CELF4: variants seen among roughly 807,000 people sequenced by gnomAD.
The protein encoded by CELF4 is CUGBP Elav-like family member 4, also known as CUG-BP- and ETR-3-like factor 4.
CELF4 carries 18 observed loss-of-function variants against 59.9 expected under a neutral mutation model. The observed-to-expected ratio is 0.30, with a 90% CI of 0.21 to 0.45. CELF4 has a LOEUF of 0.45. Ranked by LOEUF, CELF4 falls within the 20% of genes least tolerant of loss-of-function variation. The probability of loss-of-function intolerance (pLI) is 1.00; values close to 1 mark genes in which losing one functional copy is unlikely to be tolerated. For synonymous variants in CELF4, 261 were observed against 267.1 expected (o/e 0.98, Z 0.22); for missense variants, 456 against 689.0 (o/e 0.66, Z 3.79).
intron 2 of CELF4, among the ~76,000 whole-genome samples, chr18:37,436,727 C>T (rs1175512525): frequency 6.6e-6 from 1 of 152,112 alleles, no homozygotes; most frequent in East Asian, 1.9e-4. Context: ...AATAGAGGCG[C>T]CTTCTCCCCA....
chr18:37,291,660 G>A (rs1410484709), intron 3 of CELF4, among the ~76,000 whole-genome samples: 1 of 152,150 alleles, frequency 6.6e-6, no homozygotes, highest in East Asian at 1.9e-4. Flanking sequence ...GAATCCTTTT[G>A]ATTTGTAGAA....
chr18:37,266,464 A>G (rs1601223662), intron 9 of CELF4, 69 bp downstream of exon 9: 3 of 1,410,816 alleles, frequency 2.1e-6, no homozygotes, highest in Non-Finnish European at 2.9e-6. Flanking sequence ...CTGAGGGGGC[A>G]CTGGTGTCAC....
intron 12 of CELF4, among the ~76,000 whole-genome samples, chr18:37,251,005 T>C (rs2065139775): frequency 6.6e-6 from 1 of 151,988 alleles, no homozygotes; most frequent in Non-Finnish European, 1.5e-5. Context: ...TCTGGGGTAA[T>C]AGGTTGGGGT....
At chr18:37,507,952 A>C (rs1260620282) in intron 1 of CELF4, among the ~76,000 whole-genome samples, 1 of 150,438 alleles carries the variant, frequency 6.6e-6, no homozygotes, top group Non-Finnish European at 1.5e-5. Flanking sequence ...CTTCATCCTC[A>C]CTTACCCCAC....
At chr18:37,300,556 G>A (rs1318075257) in intron 3 of CELF4, among the ~76,000 whole-genome samples, 1 of 152,150 alleles carries the variant, frequency 6.6e-6, no homozygotes, top group African/African-American at 2.4e-5. Flanking sequence ...TGCCCTGTGG[G>A]TCCCTGTCCT....
chr18:37,561,069 C>T (rs1423660832), intron 1 of CELF4, among the ~76,000 whole-genome samples: 1 of 152,174 alleles, frequency 6.6e-6, no homozygotes, highest in East Asian at 1.9e-4. Context: ...TAAAATGATA[C>T]ACTCTCTGGA....
intron 2 of CELF4, among the ~76,000 whole-genome samples, chr18:37,346,961 T>C (rs776510751): frequency 1.3e-5 from 2 of 151,664 alleles, no homozygotes; most frequent in Non-Finnish European, 2.9e-5. Flanking sequence ...CCTGAGCCTC[T>C]GAGAACAGGG....
chr18:37,500,781 G>T (rs1029039134), intron 1 of CELF4, among the ~76,000 whole-genome samples: 2 of 151,980 alleles, frequency 1.3e-5, no homozygotes, highest in African/African-American at 2.4e-5. Context: ...TGATCCACCC[G>T]CCTCGGTCTC....
chr18:37,533,542 G>A (rs2154605153), intron 1 of CELF4, among the ~76,000 whole-genome samples: 1 of 152,264 alleles, frequency 6.6e-6, no homozygotes, highest in East Asian at 1.9e-4. Context: ...TAAAGCAGAT[G>A]AATTAAAGGG....
At chr18:37,359,484 A>G (rs1253235328) in intron 2 of CELF4, among the ~76,000 whole-genome samples, 1 of 152,100 alleles carries the variant, frequency 6.6e-6, no homozygotes, top group African/African-American at 2.4e-5. Context: ...TGGGCTGCGC[A>G]CCACCAGGCC....
At chr18:37,382,481 C>T (rs139313709) in intron 2 of CELF4, among the ~76,000 whole-genome samples, 2 of 152,326 alleles carry the variant, frequency 1.3e-5, no homozygotes, top group Admixed American at 6.5e-5. Flanking sequence ...CCTCCCTCTT[C>T]ACCATGTATC....
chr18:37,352,506 T>A (rs2098462345), intron 2 of CELF4, among the ~76,000 whole-genome samples: 1 of 151,118 alleles, frequency 6.6e-6, no homozygotes, highest in African/African-American at 2.4e-5. Flanking sequence ...GGCTGGAGGA[T>A]CCCTTGAGGC....
chr18:37,464,602 G>A (rs948060840), intron 2 of CELF4, among the ~76,000 whole-genome samples: 4 of 152,154 alleles, frequency 2.6e-5, no homozygotes, highest in African/African-American at 9.7e-5. Flanking sequence ...GCTGTTTTGG[G>A]TGTGGAGGTG....
Position 37,432,271 on chromosome 18 carries a change from G to A in CELF4, c.369+53254C>T, listed in dbSNP as rs73431242. Reference sequence around the variant, plus strand: ...TTGTGAGGGCCACCCGCCAATGTGGGGGCACAGGCTCCAGAGGCCCGGAGA... The same window carrying A: ...TTGTGAGGGCCACCCGCCAATGTGGAGGCACAGGCTCCAGAGGCCCGGAGA... On this transcript the variant is annotated intron_variant, in intron 2 of 12. Transcript: ENST00000420428. Among the ~76,000 whole-genome samples, 738 of 152,378 alleles carry A rather than the reference G, an allele frequency of 4.8e-3. 6 individuals are homozygous for A. The highest frequency in any genetic ancestry group is 0.017 in the African/African-American group (687 of 41,592).
chr18:37,288,271 T>C (rs28441361), intron 3 of CELF4, among the ~76,000 whole-genome samples: 2,794 of 152,334 alleles, frequency 0.018, 94 homozygotes, highest in African/African-American at 0.064. Flanking sequence ...CGCGGAGGGA[T>C]GTCTCCCTTA....
intron 2 of CELF4, among the ~76,000 whole-genome samples, chr18:37,349,182 G>A (rs1452168348): frequency 6.6e-6 from 1 of 152,246 alleles, no homozygotes; most frequent in Non-Finnish European, 1.5e-5. Flanking sequence ...CTCAGAGATA[G>A]CGCAGGCGGT....
At chr18:37,355,984 G>C (rs936360673) in intron 2 of CELF4, among the ~76,000 whole-genome samples, 1 of 152,124 alleles carries the variant, frequency 6.6e-6, no homozygotes, top group African/African-American at 2.4e-5. Context: ...GTCTGTCTTC[G>C]TCAGCCACAG....
intron 2 of CELF4, among the ~76,000 whole-genome samples, chr18:37,373,650 C>A (rs902469031): frequency 2.0e-5 from 3 of 152,174 alleles, no homozygotes; most frequent in Non-Finnish European, 2.9e-5. Context: ...GTGCCCAGAG[C>A]GAGCCAGGTC....
intron 2 of CELF4, among the ~76,000 whole-genome samples, chr18:37,327,798 G>A (rs539752004): frequency 2.0e-5 from 3 of 152,248 alleles, no homozygotes; most frequent in Middle Eastern, 3.4e-3. Flanking sequence ...TCTGCTTCAC[G>A]CTGGGCCCCA....
Sources: gnomAD v4.1 joint callset for allele counts (sites outside exome capture counted in the v4.1 genomes callset) on GRCh38, gnomAD v4.1.1 for gene constraint, MANE v1.5 for transcripts, NCBI Gene and HGNC (gene_info 2026-07-23, HGNC 2026-07-21) for gene names.